Variants in CEP170 observed in about 807,000 individuals in gnomAD.
The protein encoded by CEP170 is centrosomal protein 170.
A neutral mutation model predicts 151.9 loss-of-function variants in CEP170; 21 were observed. That is an observed-to-expected ratio of 0.14 (90% CI 0.10 to 0.20). The LOEUF is 0.20. Among genes scored for constraint, CEP170 ranks in the 10% least tolerant of loss-of-function variants. The pLI, the probability that CEP170 is intolerant of heterozygous loss-of-function variation, is 1.00. For missense variants in CEP170, 964 were observed against 1,892.9 expected (o/e 0.51, Z 9.11); for synonymous variants, 356 against 648.8 (o/e 0.55, Z 6.86).
chr1:243,226,805 C>T (rs1457603494), intron 1 of CEP170, among the ~76,000 whole-genome samples: 1 of 152,132 alleles, frequency 6.6e-6, no homozygotes, highest in Non-Finnish European at 1.5e-5. Flanking sequence ...GTCTGACCAA[C>T]ACGGAGAAAC....
At chr1:243,158,909 A>G (rs1202257132) in intron 13 of CEP170, among the ~76,000 whole-genome samples, 1 of 151,972 alleles carries the variant, frequency 6.6e-6, no homozygotes, top group African/African-American at 2.4e-5. Context: ...TCTACTAAAA[A>G]TACAAAAATT....
In CEP170 at chr1:243,186,062, G is replaced by A. The variant is rs2993726; in HGVS notation, c.1283C>T (p.Ala428Val). ...KHQDQAVTSS[A>V]HHRGGHGVPH... Reference sequence around the variant, plus strand: ...AACACCATGCCCCCCTCTGTGATGCGCAGAGCTAGTCTGTAAAGACAAAGA... The same window carrying A: ...AACACCATGCCCCCCTCTGTGATGCACAGAGCTAGTCTGTAAAGACAAAGA... The change falls in exon 10 of 20, where the codon GCG (alanine) becomes GTG (valine). Residue 428 changes from alanine to valine, a missense_variant. Coordinates refer to ENST00000366542, the MANE Select transcript of CEP170 (RefSeq NM_014812.3). The A allele has an allele frequency of 1.5e-5, 24 of 1,613,572 alleles. No homozygotes were observed. Among genetic ancestry groups the A allele is most frequent in the African/African-American group, 5.3e-5 (4 of 74,916 alleles).
intron 13 of CEP170, among the ~76,000 whole-genome samples, chr1:243,157,963 T>C (rs557236186): frequency 1.1e-4 from 16 of 152,354 alleles, no homozygotes; most frequent in African/African-American, 2.6e-4. Context: ...TGCAAATGCA[T>C]ATACTAGGTA....
intron 13 of CEP170, among the ~76,000 whole-genome samples, chr1:243,158,623 A>C (rs1461380757): frequency 6.6e-6 from 1 of 152,206 alleles, no homozygotes; most frequent in Admixed American, 6.5e-5. Context: ...TCAACTTTTA[A>C]TAGTCTGAGC....
intron 13 of CEP170, among the ~76,000 whole-genome samples, chr1:243,162,295 G>T (rs1468955644): frequency 6.6e-6 from 1 of 152,124 alleles, no homozygotes; most frequent in Non-Finnish European, 1.5e-5. Context: ...AACAGGCTGG[G>T]GATTAAAAGT....
chr1:243,164,862 T>C lies in CEP170; in HGVS notation c.3098A>G (p.His1033Arg). The change falls in exon 13 of 20, where the codon CAT becomes CGT. Residue 1033 changes from histidine to arginine, a missense_variant. Physicochemically the swap from His to Arg is conservative, Grantham distance 29. Coordinates refer to ENST00000366542, the MANE Select transcript of CEP170 (RefSeq NM_014812.3). Reference protein sequence around the residue: ...TDDDQTSSVPHSAISDIMSSD... With the variant: ...TDDDQTSSVPRSAISDIMSSD... ...TGACATAATATCAGAGATGGCAGAA[T>C]GAGGTACACTAGAGGTTTGGTCATC... The C allele has an allele frequency of 5.0e-6, 8 of 1,613,502 alleles. No individual in the cohort carries two copies. The highest frequency in any genetic ancestry group is 2.2e-5 in the East Asian group (1 of 44,852).
At chr1:243,161,387 TCAGAGAAA>T (rs1327468937) in intron 13 of CEP170, among the ~76,000 whole-genome samples, 2 of 151,978 alleles carry the variant, frequency 1.3e-5, no homozygotes, top group East Asian at 3.8e-4. Flanking sequence ...GCAAATTACA[TCAGAGAAA>T]CATACAGAAC....
At chr1:243,159,433 ACTTT>A (rs1379726188) in intron 13 of CEP170, among the ~76,000 whole-genome samples, 5 of 152,204 alleles carry the variant, frequency 3.3e-5, no homozygotes, top group East Asian at 3.8e-4. Flanking sequence ...TTATTTCAAA[ACTTT>A]CTTTCTTAAC....
intron 14 of CEP170, among the ~76,000 whole-genome samples, chr1:243,152,521 A>ATTT (rs371392454): frequency 0.071 from 3,897 of 54,880 alleles, 1,170 homozygotes; most frequent in South Asian, 0.16. Flanking sequence ...GCGCCCAGCC[A>ATTT]TTTTTTTTTT....
At chr1:243,158,256 C>T (rs376523015) in intron 13 of CEP170, among the ~76,000 whole-genome samples, 1 of 152,068 alleles carries the variant, frequency 6.6e-6, no homozygotes, top group Admixed American at 6.6e-5. Flanking sequence ...TCATTAAATG[C>T]TAAATGTGTG....
intron 14 of CEP170, among the ~76,000 whole-genome samples, chr1:243,153,264 G>A (rs532227394): frequency 6.6e-6 from 1 of 152,294 alleles, no homozygotes; most frequent in East Asian, 1.9e-4. Flanking sequence ...AGAATCTACT[G>A]GTGAAGCTGT....
Position 243,140,122 on chromosome 1 carries a change from G to C in CEP170, c.4060-15C>G. 1 of 1,611,918 alleles carries C rather than the reference G, an allele frequency of 6.2e-7. No individual in the cohort carries two copies. On this transcript the variant is annotated splice_polypyrimidine_tract_variant and intron_variant, in intron 15 of 19. Coordinates refer to ENST00000366542, the MANE Select transcript of CEP170 (RefSeq NM_014812.3). Reference sequence around the variant, plus strand: ...CGATCAACCAACTAATGGGACGAAAGCAAACCTTTATGAGAACACAGTAAT... The same window carrying C: ...CGATCAACCAACTAATGGGACGAAACCAAACCTTTATGAGAACACAGTAAT...
intron 1 of CEP170, among the ~76,000 whole-genome samples, chr1:243,249,180 C>A (rs2065701020): frequency 6.6e-6 from 1 of 152,000 alleles, no homozygotes; most frequent in Non-Finnish European, 1.5e-5. Flanking sequence ...AATACTAGAA[C>A]TTTGGGAGGC....
At chr1:243,160,237 T>C (rs1387566365) in intron 13 of CEP170, among the ~76,000 whole-genome samples, 3 of 152,204 alleles carry the variant, frequency 2.0e-5, no homozygotes, top group Non-Finnish European at 2.9e-5. Context: ...TTTCTTAATA[T>C]ATTATTAGGC....
At chr1:243,213,110 C>CT (rs901796850) in intron 3 of CEP170, among the ~76,000 whole-genome samples, 32 of 149,500 alleles carry the variant, frequency 2.1e-4, no homozygotes, top group South Asian at 6.4e-4. Context: ...ATTTCATATT[C>CT]TTTTTTTTTT....
chr1:243,151,248 C>T (rs1385374277), intron 14 of CEP170, among the ~76,000 whole-genome samples: 1 of 150,980 alleles, frequency 6.6e-6, no homozygotes, highest in African/African-American at 2.5e-5. Context: ...CTTCTTTTCC[C>T]ATGCCTTTTG....
intron 1 of CEP170, among the ~76,000 whole-genome samples, chr1:243,235,207 G>C (rs921506025): frequency 1.3e-5 from 2 of 152,110 alleles, no homozygotes; most frequent in Non-Finnish European, 2.9e-5. Flanking sequence ...GCAGTGGGAA[G>C]AAAGAAACAT....
chr1:243,160,634 A>G (rs2057991204), intron 13 of CEP170, among the ~76,000 whole-genome samples: 1 of 152,284 alleles, frequency 6.6e-6, no homozygotes, highest in South Asian at 2.1e-4. Context: ...CACACATTGC[A>G]TCTTCATACA....
chr1:243,175,278 C>T (rs1321495535), intron 10 of CEP170: 1 of 152,226 alleles, frequency 6.6e-6, no homozygotes, highest in Non-Finnish European at 1.5e-5. Flanking sequence ...TCGACAGATT[C>T]CTTTTAAAGC....
Sources: gnomAD v4.1 joint callset for allele counts (sites outside exome capture counted in the v4.1 genomes callset) on GRCh38, gnomAD v4.1.1 for gene constraint, MANE v1.5 for transcripts, NCBI Gene and HGNC (gene_info 2026-07-23, HGNC 2026-07-21) for gene names.